Variants in CNTN5 observed in about 807,000 individuals in gnomAD.
The protein encoded by CNTN5 is contactin 5.
A neutral mutation model predicts 129.1 loss-of-function variants in CNTN5; 77 were observed. The observed-to-expected ratio is 0.60, with a 90% CI of 0.50 to 0.72. The LOEUF (loss-of-function observed/expected upper bound fraction) is 0.72. CNTN5 is among the 30% of genes least tolerant of loss of function. The pLI, the probability that CNTN5 is intolerant of heterozygous loss-of-function variation, is 0.00. For missense variants in CNTN5, 1,478 were observed against 1,328.8 expected (o/e 1.11, Z -1.75); for synonymous variants, 509 against 465.6 (o/e 1.09, Z -1.20).
At chr11:99,915,905 G>T in intron 6 of CNTN5, 149 bp from the exon 7 acceptor site, 1 of 597,608 alleles carries the variant, frequency 1.7e-6, no homozygotes, top group Non-Finnish European at 3.0e-6. Context: ...ATTAGATGAT[G>T]TAGATATATG....
At chr11:99,226,477 T>G (rs1860692509) in intron 1 of CNTN5, among the ~76,000 whole-genome samples, 2 of 152,328 alleles carry the variant, frequency 1.3e-5, no homozygotes, top group South Asian at 4.1e-4. Flanking sequence ...TCGTATCTTC[T>G]GGCTCTGTAC....
intron 2 of CNTN5, among the ~76,000 whole-genome samples, chr11:99,356,498 T>G (rs1938680352): frequency 6.6e-6 from 1 of 152,210 alleles, no homozygotes; most frequent in Admixed American, 6.5e-5. Flanking sequence ...TTCAGCAGCA[T>G]CTTTCATGTA....
intron 7 of CNTN5, among the ~76,000 whole-genome samples, chr11:99,919,754 C>G (rs373307817): frequency 5.3e-5 from 8 of 151,948 alleles, no homozygotes; most frequent in Admixed American, 4.6e-4. Flanking sequence ...TGTCCCTAGG[C>G]AATTTTTGCT....
At chr11:99,708,123 G>T (rs1425588092) in intron 3 of CNTN5, among the ~76,000 whole-genome samples, 1 of 151,658 alleles carries the variant, frequency 6.6e-6, no homozygotes. Context: ...TTGTGACCTA[G>T]ACCACTATTC....
At chr11:99,333,881 T>C (rs971266505) in intron 2 of CNTN5, among the ~76,000 whole-genome samples, 1 of 152,008 alleles carries the variant, frequency 6.6e-6, no homozygotes, top group Admixed American at 6.6e-5. Flanking sequence ...CATGGTGACC[T>C]GCTTGGGTAG....
intron 3 of CNTN5, among the ~76,000 whole-genome samples, chr11:99,679,377 G>C (rs1319950466): frequency 1.3e-5 from 2 of 151,894 alleles, no homozygotes; most frequent in Non-Finnish European, 2.9e-5. Flanking sequence ...AAGCTTACCA[G>C]TACCATTTTC....
At chr11:99,568,456 C>T (rs2135569832) in intron 3 of CNTN5, among the ~76,000 whole-genome samples, 1 of 152,256 alleles carries the variant, frequency 6.6e-6, no homozygotes, top group Middle Eastern at 3.4e-3. Context: ...AATTGTTTTA[C>T]TGCTTAGCAC....
chr11:100,071,632 C>A, intron 11 of CNTN5, 73 bp from the exon 12 acceptor site: 2 of 1,216,856 alleles, frequency 1.6e-6, no homozygotes, highest in Non-Finnish European at 1.1e-6. Flanking sequence ...TTTTCTTAGT[C>A]TAGGAGAGAA....
rs1952558920 is a variant in CNTN5, at chr11:100,357,834, C to T, written c.*1614C>T. The T allele has an allele frequency of 6.6e-6, 1 of 151,478 alleles. No individual in the cohort carries two copies. The highest frequency in any genetic ancestry group is 1.5e-5 in the Non-Finnish European group (1 of 67,778). 9.4% of individuals were successfully genotyped at this position (151,478 alleles called of 1,614,324 possible). On this transcript the variant is annotated 3_prime_UTR_variant, in exon 25 of 25. Transcript: ENST00000524871. Reference sequence around the variant, plus strand: ...TCCTGAAAGAATAGTTTCAGAGCCACAGTAAAAGTCTGTATGTAGGTTACA... The same window carrying T: ...TCCTGAAAGAATAGTTTCAGAGCCATAGTAAAAGTCTGTATGTAGGTTACA...
At chr11:100,322,285 C>T (rs1046146971) in intron 21 of CNTN5, among the ~76,000 whole-genome samples, 2 of 151,582 alleles carry the variant, frequency 1.3e-5, no homozygotes, top group Admixed American at 6.6e-5. Context: ...TGCAGTGGCG[C>T]GATCTCAGCT....
Position 100,356,321 on chromosome 11 carries a change from C to G in CNTN5, c.*101C>G. The stretch of plus-strand genomic sequence containing the variant: ...ACCAGGATCCTGAGATGAGCTTGAG[C>G]TTTAAAAACTTGGGACTATACATGG... On this transcript the variant is annotated 3_prime_UTR_variant, in exon 25 of 25. Coordinates refer to ENST00000524871, the MANE Select transcript of CNTN5 (RefSeq NM_014361.4). 1 of 806,854 alleles carries G rather than the reference C, an allele frequency of 1.2e-6. No homozygotes were observed. The highest frequency in any genetic ancestry group is 2.1e-6 in the Non-Finnish European group (1 of 480,404). 50.0% of individuals were successfully genotyped at this position (806,854 alleles called of 1,614,324 possible). A position where few individuals can be genotyped will look rare whatever the true frequency, so the allele number is the denominator to read the frequency against.
chr11:99,344,320 T>C (rs1180664706), intron 2 of CNTN5, among the ~76,000 whole-genome samples: 1 of 152,076 alleles, frequency 6.6e-6, no homozygotes, highest in Non-Finnish European at 1.5e-5. Context: ...CTTAGTTAAC[T>C]GAAAAGAATA....
At chr11:99,688,969 G>A (rs1004104800) in intron 3 of CNTN5, among the ~76,000 whole-genome samples, 3 of 151,950 alleles carry the variant, frequency 2.0e-5, no homozygotes, top group Non-Finnish European at 2.9e-5. Context: ...AGTATTCCAT[G>A]GTATATATGT....
chr11:99,645,020 A>C lies in CNTN5; in HGVS notation c.55+88751A>C, dbSNP rs531525939. ...GGTGGCTTATGCCTGTAATCCCAGC[A>C]CTTTGGGAGGCTGAGGCAGGTGAAT... On this transcript the variant is annotated intron_variant, in intron 3 of 24. Coordinates refer to ENST00000524871, the MANE Select transcript of CNTN5 (RefSeq NM_014361.4). Among the ~76,000 whole-genome samples the C allele has an allele frequency of 2.4e-3, 369 of 151,354 alleles. 4 individuals carry two copies. Among genetic ancestry groups the C allele is most frequent in the Non-Finnish European group, 3.9e-3 (268 of 67,858 alleles).
intron 2 of CNTN5, among the ~76,000 whole-genome samples, chr11:99,505,296 A>C (rs1043466252): frequency 2.6e-5 from 4 of 152,210 alleles, no homozygotes; most frequent in Admixed American, 2.6e-4. Flanking sequence ...TAAATCTCTA[A>C]TGGTAGAAAT....
intron 3 of CNTN5, among the ~76,000 whole-genome samples, chr11:99,637,319 C>G (rs1032028710): frequency 1.1e-4 from 17 of 151,908 alleles, no homozygotes; most frequent in Non-Finnish European, 2.4e-4. Flanking sequence ...TAGATGTACA[C>G]AGATCAACAT....
At chr11:100,353,706 T>C (rs1952464788) in intron 24 of CNTN5, among the ~76,000 whole-genome samples, 2 of 151,650 alleles carry the variant, frequency 1.3e-5, no homozygotes, top group Non-Finnish European at 3.0e-5. Context: ...CAAGTTGAAA[T>C]ATATGCATCA....
At chr11:99,570,144 AAAAG>A (rs1259134351) in intron 3 of CNTN5, among the ~76,000 whole-genome samples, 2 of 151,818 alleles carry the variant, frequency 1.3e-5, no homozygotes, top group Non-Finnish European at 2.9e-5. Flanking sequence ...AAAAAAAAAA[AAAAG>A]AAGAAAAGAA....
At chr11:99,741,658 A>T (rs147344617) in intron 3 of CNTN5, among the ~76,000 whole-genome samples, 28 of 152,268 alleles carry the variant, frequency 1.8e-4, no homozygotes, top group African/African-American at 5.5e-4. Context: ...CTTAACCCAG[A>T]CAGGAGATTT....
Sources: gnomAD v4.1 joint callset for allele counts (sites outside exome capture counted in the v4.1 genomes callset) on GRCh38, gnomAD v4.1.1 for gene constraint, MANE v1.5 for transcripts, NCBI Gene and HGNC (gene_info 2026-07-23, HGNC 2026-07-21) for gene names.